The following FASTKD2 variants were observed in gnomAD, a reference collection of about 807,000 sequenced individuals.
FASTKD2 encodes FAST kinase domains 2.
A neutral mutation model predicts 63.6 loss-of-function variants in FASTKD2; 51 were observed. The ratio of observed to expected loss-of-function variants is 0.80; its 90% CI spans 0.64 to 1.01. The LOEUF (loss-of-function observed/expected upper bound fraction) is 1.01. FASTKD2 is among the 50% of genes least tolerant of loss of function. FASTKD2 has a pLI of 0.00. For synonymous variants in FASTKD2, 284 were observed against 293.4 expected, an observed-to-expected ratio of 0.97 and a Z score of 0.33; for missense variants, 786 against 831.1, an observed-to-expected ratio of 0.95 and a Z score of 0.67.
chr2:206,788,984 T>A, intron 10 of FASTKD2, 81 bp downstream of exon 10: 2 of 780,666 alleles, frequency 2.6e-6, no homozygotes, highest in Non-Finnish European at 4.6e-6. Flanking sequence ...ATAGCAGTAG[T>A]AAATCTAAGA....
intron 7 of FASTKD2, among the ~76,000 whole-genome samples, chr2:206,785,151 C>G (rs1406479530): frequency 6.6e-6 from 1 of 151,946 alleles, no homozygotes; most frequent in Admixed American, 6.6e-5. Flanking sequence ...TCTCGTGAGA[C>G]TTATTGACTA....
Position 206,786,968 on chromosome 2 carries a change from CTCTGAATGGGG to C in FASTKD2, c.1594+73_1594+83del, listed in dbSNP as rs1690154636. ...TGCACTACCACTAGCTACCATATGA[CTCTGAATGGGG>C]TCTTAGTTGGAGCAGTGTTAGTTGA... On this transcript the variant is annotated intron_variant, in intron 8 of 11. Coordinates refer to ENST00000402774, the MANE Select transcript of FASTKD2 (RefSeq NM_001136193.2). 3.5e-5 allele frequency: 34 copies of C among 958,034 alleles called. No homozygotes were observed. The South Asian group carries it at 4.7e-4, about 13-fold the overall frequency. The allele number at this position is 958,034 out of a possible 1,614,324, so 59.3% of individuals were successfully genotyped here.
At position 206,767,283 on chromosome 2, in the gene FASTKD2, A is replaced by G; in HGVS notation, c.590A>G (p.Asp197Gly). 1 of 1,614,214 alleles carries G rather than the reference A, an allele frequency of 6.2e-7. No individual in the cohort carries two copies. The highest frequency in any genetic ancestry group is 8.5e-7 in the Non-Finnish European group (1 of 1,180,030). The change falls in exon 2 of 12, where the codon GAT becomes GGT. Residue 197 changes from aspartate to glycine, a missense_variant. Physicochemically the swap from Asp to Gly is moderately conservative, Grantham distance 94. Coordinates refer to ENST00000402774, the MANE Select transcript of FASTKD2 (RefSeq NM_001136193.2). Reference protein sequence around the residue: ...AMWTIAKRLSDDQKRFEKRLM... With the variant: ...AMWTIAKRLSGDQKRFEKRLM... ...TGGACAATTGCCAAAAGACTGTCTG[A>G]TGACCAGAAGCGCTTTGAAAAACGA...
chr2:206,785,022 A>T (rs1209044487), intron 7 of FASTKD2, among the ~76,000 whole-genome samples: 3 of 152,202 alleles, frequency 2.0e-5, no homozygotes, highest in Non-Finnish European at 4.4e-5. Context: ...ATGGACTCAC[A>T]GTTCCACATG....
chr2:206,784,742 G>C (rs75765870), intron 7 of FASTKD2, among the ~76,000 whole-genome samples: 2,522 of 152,216 alleles, frequency 0.017, 72 homozygotes, highest in African/African-American at 0.057. Context: ...TTGACTCATC[G>C]TTTTCCAATG....
intron 4 of FASTKD2, 125 bp downstream of exon 4, chr2:206,771,415 G>A: frequency 1.4e-6 from 1 of 695,418 alleles, no homozygotes; most frequent in Admixed American, 2.1e-5. Context: ...CTTCACTAAA[G>A]TGAATGAATA....
chr2:206,788,211 C>G, intron 9 of FASTKD2, 56 bp downstream of exon 9: 2 of 1,297,350 alleles, frequency 1.5e-6, no homozygotes, highest in Admixed American at 2.0e-5. Flanking sequence ...TCCTTTTTTT[C>G]TGACCAAAAA....
At chr2:206,782,045 C>T (rs1001340854) in intron 7 of FASTKD2, among the ~76,000 whole-genome samples, 3 of 152,140 alleles carry the variant, frequency 2.0e-5, no homozygotes, top group Non-Finnish European at 4.4e-5. Flanking sequence ...GGAAGCTGTC[C>T]ACCCCTTTTC....
intron 7 of FASTKD2, among the ~76,000 whole-genome samples, chr2:206,780,259 A>G (rs1251079104): frequency 6.6e-6 from 1 of 152,006 alleles, no homozygotes; most frequent in Non-Finnish European, 1.5e-5. Context: ...TTTTCATTTC[A>G]CCTGTCTTTA....
intron 2 of FASTKD2, 147 bp from the exon 3 acceptor site, chr2:206,769,944 A>G (rs1689620356): frequency 7.4e-6 from 5 of 678,626 alleles, no homozygotes; most frequent in South Asian, 4.6e-5. Context: ...TTTCCCAAAG[A>G]TGCTGTTTAT....
rs1308103182 is a variant in FASTKD2, at chr2:206,792,988, C to G, written c.*1186C>G. ...GCTTGTCATCCCAGCACTTGGGAGG[C>G]CGAGGTGGGCTGATCATGAGGTCAG... On this transcript the variant is annotated 3_prime_UTR_variant, in exon 12 of 12. Transcript: ENST00000402774. 6.6e-6 allele frequency among the ~76,000 whole-genome samples: 1 copy of G among 152,070 alleles called. No homozygotes were observed. The highest frequency in any genetic ancestry group is 2.4e-5 in the African/African-American group (1 of 41,416).
chr2:206,775,945 T>A (rs1689813442), intron 7 of FASTKD2, among the ~76,000 whole-genome samples: 1 of 152,016 alleles, frequency 6.6e-6, no homozygotes, highest in Admixed American at 6.6e-5. Flanking sequence ...TGTAAAGTGA[T>A]ATCTCATTGT....
At chr2:206,772,389 G>A (rs1382127388) in intron 6 of FASTKD2, 69 bp downstream of exon 6, 2 of 1,454,940 alleles carry the variant, frequency 1.4e-6, no homozygotes, top group African/African-American at 2.8e-5. Flanking sequence ...AGCATTTTAA[G>A]TATTTCTCTT....
chr2:206,785,235 A>G (rs1690109891), intron 7 of FASTKD2, among the ~76,000 whole-genome samples: 1 of 152,196 alleles, frequency 6.6e-6, no homozygotes, highest in South Asian at 2.1e-4. Context: ...AACACAAGGG[A>G]ATTATAGGAG....
intron 2 of FASTKD2, among the ~76,000 whole-genome samples, chr2:206,768,860 A>G (rs1689594618): frequency 2.0e-5 from 3 of 152,184 alleles, no homozygotes; most frequent in African/African-American, 7.2e-5. Context: ...GGAATAACTA[A>G]TTTTTATTTA....
In FASTKD2 at chr2:206,770,151, A is replaced by G. The variant is rs986734275; in HGVS notation, c.838A>G (p.Met280Val). The change falls in exon 3 of 12, where the codon ATG becomes GTG. Residue 280 changes from methionine (M) to valine (V), a missense_variant. By Grantham distance (21) the Met-to-Val change is conservative. Coordinates refer to ENST00000402774, the MANE Select transcript of FASTKD2 (RefSeq NM_001136193.2). ...LSVLSTVLEA[M>V]EPCKNVHVLR... ...AGTTTTGTCAACTGTTTTAGAGGCA[A>G]TGGAACCATGCAAGAATGTTCATGT... The G allele has an allele frequency of 2.5e-6, 4 of 1,611,978 alleles. No individual in the cohort carries two copies. Among genetic ancestry groups the G allele is most frequent in the Admixed American group, 3.3e-5 (2 of 60,018 alleles).
intron 4 of FASTKD2, 92 bp from the exon 5 acceptor site, chr2:206,771,802 G>C: frequency 9.5e-7 from 1 of 1,053,128 alleles, no homozygotes; most frequent in Non-Finnish European, 1.4e-6. Flanking sequence ...TCCAACCTGG[G>C]TGACAGCACA....
In FASTKD2 at chr2:206,793,624, C is replaced by T. The variant is rs1265202972; in HGVS notation, c.*1822C>T. 6.6e-6 allele frequency among the ~76,000 whole-genome samples: 1 copy of T among 152,168 alleles called. No homozygotes were observed. The highest frequency in any genetic ancestry group is 1.5e-5 in the Non-Finnish European group (1 of 68,042). ...GTTTTGTCTTTAAATGTTGAGTGTG[C>T]ATCAGTTTTGAGTGTCTAATTATGA... On this transcript the variant is annotated 3_prime_UTR_variant, in exon 12 of 12. Transcript: ENST00000402774.
At chr2:206,770,222 G>C in intron 3 of FASTKD2, 28 bp downstream of exon 3, 3 of 1,377,734 alleles carry the variant, frequency 2.2e-6, no homozygotes, top group Non-Finnish European at 3.1e-6. Context: ...CTTTCTTCAT[G>C]TGGTTTTCTT....
Sources: gnomAD v4.1 joint callset for allele counts (sites outside exome capture counted in the v4.1 genomes callset) on GRCh38, gnomAD v4.1.1 for gene constraint, MANE v1.5 for transcripts, NCBI Gene and HGNC (gene_info 2026-07-23, HGNC 2026-07-21) for gene names.